The following KAZN variants were observed in gnomAD, a reference collection of about 807,000 sequenced individuals.
KAZN encodes kazrin, periplakin interacting protein, also known as kazrin.
Under a neutral mutation model 87.4 loss-of-function variants are expected in KAZN, and 40 were observed. The observed-to-expected ratio is 0.46, with a 90% CI of 0.36 to 0.60. KAZN has a LOEUF of 0.60. Ranked by LOEUF, KAZN falls within the 20% of genes least tolerant of loss-of-function variation. The pLI is 0.00. For missense variants in KAZN, 898 were observed against 1,073.9 expected (o/e 0.84, Z 2.29); for synonymous variants, 466 against 458.3 (o/e 1.02, Z -0.22).
At chr1:14,818,411 G>A (rs571562960) in intron 1 of KAZN, among the ~76,000 whole-genome samples, 25 of 152,316 alleles carry the variant, frequency 1.6e-4, no homozygotes, top group East Asian at 7.7e-4. Context: ...GTGTAATAGC[G>A]CGTTACCCAG....
At chr1:14,379,730 T>C (rs764852365) in intron 2 of KAZN, among the ~76,000 whole-genome samples, 16 of 152,306 alleles carry the variant, frequency 1.1e-4, no homozygotes, top group Admixed American at 3.9e-4. Flanking sequence ...CACAGTACAA[T>C]AGAACACCAG....
rs535409662 is a variant in KAZN at position 14,378,302 on chromosome 1, T to C, written c.249+197710T>C. The stretch of plus-strand genomic sequence containing the variant: ...GAAGCCACCTACAATAAAAGGCTTA[T>C]CCTTTAAAAGAAAAGTAAACGGGAG... On this transcript the variant is annotated intron_variant, in intron 2 of 16. Coordinates refer to the KAZN transcript ENST00000636203. Among the ~76,000 whole-genome samples, 2 of 139,950 alleles carry C rather than the reference T, an allele frequency of 1.4e-5. 1 individual carries two copies. The highest frequency in any genetic ancestry group is 4.9e-5 in the African/African-American group (2 of 40,628). 91.8% of individuals were successfully genotyped at this position (139,950 alleles called of 152,430 possible). A position where few individuals can be genotyped will look rare whatever the true frequency, so the allele number is the denominator to read the frequency against.
intron 1 of KAZN, among the ~76,000 whole-genome samples, chr1:14,797,845 CT>C (rs1328196295): frequency 2.6e-5 from 4 of 152,156 alleles, no homozygotes; most frequent in Admixed American, 2.0e-4. Flanking sequence ...TGAAATAGTC[CT>C]TGTGGAGTGC....
chr1:14,316,012 C>T (rs1004143275), intron 2 of KAZN, among the ~76,000 whole-genome samples: 1 of 152,014 alleles, frequency 6.6e-6, no homozygotes, highest in African/African-American at 2.4e-5. Context: ...CACATTCCCA[C>T]CAGCTATGTA....
intron 2 of KAZN, among the ~76,000 whole-genome samples, chr1:14,492,942 C>T (rs76829972): frequency 0.019 from 2,871 of 151,946 alleles, 90 homozygotes; most frequent in African/African-American, 0.066. Context: ...TTGACCTGGA[C>T]ATTCCTTAAT....
intron 2 of KAZN, among the ~76,000 whole-genome samples, chr1:14,332,877 T>C (rs996548626): frequency 2.0e-5 from 3 of 152,180 alleles, no homozygotes; most frequent in African/African-American, 7.2e-5. Flanking sequence ...TTTCTTTTTT[T>C]GTTGTTTTTT....
At chr1:14,782,681 T>C (rs77644776) in intron 1 of KAZN, among the ~76,000 whole-genome samples, 2,544 of 151,594 alleles carry the variant, frequency 0.017, 82 homozygotes, top group African/African-American at 0.057. Context: ...ATAATAAATA[T>C]ACCTAAGTTT....
At chr1:14,552,484 C>T (rs1422796229) in intron 2 of KAZN, among the ~76,000 whole-genome samples, 1 of 152,222 alleles carries the variant, frequency 6.6e-6, no homozygotes, top group Non-Finnish European at 1.5e-5. Flanking sequence ...CCTGAAGCTG[C>T]AACTTGGCGG....
At chr1:14,697,024 C>T (rs889164966) in intron 1 of KAZN, among the ~76,000 whole-genome samples, 1 of 151,724 alleles carries the variant, frequency 6.6e-6, no homozygotes, top group African/African-American at 2.4e-5. Context: ...GACACAGTGG[C>T]ACACGGCTGT....
At chr1:14,136,281 C>G (rs1645108094) in intron 1 of KAZN, among the ~76,000 whole-genome samples, 1 of 152,160 alleles carries the variant, frequency 6.6e-6, no homozygotes, top group Non-Finnish European at 1.5e-5. Flanking sequence ...CTCACTCCAT[C>G]TCCCTGTGAC....
At chr1:14,674,996 C>T (rs1466563920) in intron 1 of KAZN, among the ~76,000 whole-genome samples, 1 of 151,860 alleles carries the variant, frequency 6.6e-6, no homozygotes, top group East Asian at 1.9e-4. Context: ...CTGTGTTGCC[C>T]AGGTTGGTCA....
intron 1 of KAZN, among the ~76,000 whole-genome samples, chr1:14,605,086 A>G (rs1046539124): frequency 2.0e-5 from 3 of 152,182 alleles, no homozygotes; most frequent in Non-Finnish European, 1.5e-5. Flanking sequence ...TTCTCCACTC[A>G]TCTTTGCATA....
At chr1:14,189,913 A>AAAGACTGCTCTAGT (rs1198536563) in intron 2 of KAZN, among the ~76,000 whole-genome samples, 2 of 152,306 alleles carry the variant, frequency 1.3e-5, no homozygotes, top group Admixed American at 1.3e-4. Flanking sequence ...AGCAAGTTTT[A>AAAGACTGCTCTAGT]TGGACCTTCT....
At chr1:14,890,840 C>CTTTTTTTTTTTT (rs34718502) in intron 1 of KAZN, among the ~76,000 whole-genome samples, 1 of 69,676 alleles carries the variant, frequency 1.4e-5, no homozygotes. Context: ...GGAATCTGGA[C>CTTTTTTTTTTTT]TTTTTTTTTT....
intron 1 of KAZN, among the ~76,000 whole-genome samples, chr1:14,022,615 A>G (rs116788605): frequency 0.026 from 4,015 of 151,966 alleles, 176 homozygotes; most frequent in African/African-American, 0.091. Context: ...ATTATTATAT[A>G]TAATATTCTG....
At chr1:15,091,247 G>A (rs951088492) in intron 8 of KAZN, among the ~76,000 whole-genome samples, 8 of 151,764 alleles carry the variant, frequency 5.3e-5, no homozygotes, top group Non-Finnish European at 1.2e-4. Context: ...CTAGTATATT[G>A]TATACACACA....
At chr1:14,944,499 C>T (rs1661510286) in intron 1 of KAZN, among the ~76,000 whole-genome samples, 1 of 152,194 alleles carries the variant, frequency 6.6e-6, no homozygotes, top group South Asian at 2.1e-4. Flanking sequence ...CTCTCGCCTT[C>T]GAATAGGCAG....
chr1:15,003,004 GTACACA>G (rs1236382669), intron 2 of KAZN, among the ~76,000 whole-genome samples: 5 of 114,968 alleles, frequency 4.3e-5, no homozygotes, highest in Admixed American at 2.4e-4. Context: ...AAAAATAAAC[GTACACA>G]CACACACACA....
chr1:14,085,324 G>A (rs910334553), intron 1 of KAZN, among the ~76,000 whole-genome samples: 1 of 152,056 alleles, frequency 6.6e-6, no homozygotes, highest in African/African-American at 2.4e-5. Flanking sequence ...ACATTTCAAT[G>A]AGTTTGGACA....
Sources: allele counts gnomAD v4.1 joint callset (sites outside exome capture counted in the v4.1 genomes callset), GRCh38; gene constraint gnomAD v4.1.1; transcripts MANE v1.5; gene names NCBI Gene and HGNC (gene_info 2026-07-23, HGNC 2026-07-21).